Variants in GPC6 observed in about 807,000 individuals in gnomAD.
The protein encoded by GPC6 is glypican-6.
A neutral mutation model predicts 55.2 loss-of-function variants in GPC6; 14 were observed. That is an observed-to-expected ratio of 0.25 (90% CI 0.17 to 0.40). GPC6 has a LOEUF of 0.40. GPC6 is among the 10% of genes least tolerant of loss of function. The probability of loss-of-function intolerance (pLI) is 1.00; values close to 1 mark genes in which losing one functional copy is unlikely to be tolerated. For missense variants in GPC6, 641 were observed against 708.5 expected (o/e 0.90, Z 1.08); for synonymous variants, 278 against 259.6 (o/e 1.07, Z -0.68).
intron 1 of GPC6, among the ~76,000 whole-genome samples, chr13:93,246,688 C>T (rs547558386): frequency 1.4e-5 from 2 of 145,256 alleles, no homozygotes; most frequent in South Asian, 4.4e-4. Context: ...TTCCCAGCTA[C>T]TAGGGAGGTT....
At chr13:93,256,303 A>G (rs1876951347) in intron 1 of GPC6, among the ~76,000 whole-genome samples, 1 of 152,128 alleles carries the variant, frequency 6.6e-6, no homozygotes, top group Non-Finnish European at 1.5e-5. Context: ...CAGTATGATT[A>G]AAAGTTGCTT....
chr13:93,940,711 T>A (rs1224804596), intron 3 of GPC6, among the ~76,000 whole-genome samples: 1 of 152,156 alleles, frequency 6.6e-6, no homozygotes, highest in Non-Finnish European at 1.5e-5. Context: ...GGATAATTAA[T>A]GAGAATATTG....
intron 1 of GPC6, among the ~76,000 whole-genome samples, chr13:93,371,185 C>T (rs1288202504): frequency 6.6e-6 from 1 of 151,860 alleles, no homozygotes; most frequent in African/African-American, 2.4e-5. Flanking sequence ...AGGTTTATGG[C>T]TAGAGAGTTA....
rs535657757 is a variant in GPC6, at chr13:93,396,284, G to T, written c.161-148979G>T. ...TATTAACCTTTTAATAATAAAACTA[G>T]CTGGGCATGGTAGCTCACGCCTGTA... is the stretch of plus-strand genomic sequence containing the variant. On this transcript the variant is annotated intron_variant, in intron 1 of 8. Coordinates refer to ENST00000377047, the MANE Select transcript of GPC6 (RefSeq NM_005708.5). 2.4e-4 allele frequency among the ~76,000 whole-genome samples: 36 copies of T among 152,296 alleles called. 1 individual carries two copies. The highest frequency in any genetic ancestry group is 6.7e-4 in the African/African-American group (28 of 41,558).
chr13:93,231,369 A>ATG (rs1876024004), intron 1 of GPC6, among the ~76,000 whole-genome samples: 2 of 17,880 alleles, frequency 1.1e-4, no homozygotes, highest in South Asian at 1.7e-3. Flanking sequence ...ACGTATATAT[A>ATG]TATATATATA....
intron 1 of GPC6, among the ~76,000 whole-genome samples, chr13:93,364,103 G>A (rs1881152492): frequency 1.3e-5 from 2 of 152,240 alleles, no homozygotes; most frequent in South Asian, 4.2e-4. Flanking sequence ...CACTCTGATG[G>A]TAGTTTCTTT....
rs1462015904 is a variant in GPC6, at chr13:93,764,617, ACACT to A, written c.320-65533_320-65530del. On this transcript the variant is annotated intron_variant, in intron 2 of 8. Transcript: ENST00000377047. Reference sequence around the variant, plus strand: ...ACACACACACACACACACACCACACACACTCACAAAGGCCACCTATAACCATATT... The same window carrying A: ...ACACACACACACACACACACCACACACACAAAGGCCACCTATAACCATATT... 5.1e-4 allele frequency among the ~76,000 whole-genome samples: 77 copies of A among 151,694 alleles called. 1 individual carries two copies. The highest frequency in any genetic ancestry group is 1.8e-3 in the African/African-American group (74 of 41,328).
At chr13:93,783,213 T>A (rs142208701) in intron 2 of GPC6, among the ~76,000 whole-genome samples, 1 of 152,214 alleles carries the variant, frequency 6.6e-6, no homozygotes, top group East Asian at 1.9e-4. Flanking sequence ...TTTTATCCAA[T>A]CTATCATTGA....
intron 4 of GPC6, among the ~76,000 whole-genome samples, chr13:94,031,710 C>T (rs1274794538): frequency 2.0e-5 from 3 of 152,158 alleles, no homozygotes; most frequent in African/African-American, 7.2e-5. Context: ...ATTAAAATCT[C>T]CTAGAGGGAG....
At chr13:93,267,384 C>T (rs2139048269) in intron 1 of GPC6, among the ~76,000 whole-genome samples, 1 of 143,642 alleles carries the variant, frequency 7.0e-6, no homozygotes, top group East Asian at 2.2e-4. Flanking sequence ...TCGTTTTCCA[C>T]AGGAGAGGGT....
intron 6 of GPC6, among the ~76,000 whole-genome samples, chr13:94,350,832 C>G (rs1167926768): frequency 6.6e-6 from 1 of 152,008 alleles, no homozygotes; most frequent in Non-Finnish European, 1.5e-5. Context: ...TTCTGAGAAG[C>G]TAGAGAGCAC....
intron 1 of GPC6, among the ~76,000 whole-genome samples, chr13:93,262,901 GATTT>G (rs1485856558): frequency 6.6e-6 from 1 of 152,132 alleles, no homozygotes; most frequent in Non-Finnish European, 1.5e-5. Context: ...AGAGTAGAGA[GATTT>G]ATTGCCAAGG....
intron 3 of GPC6, among the ~76,000 whole-genome samples, chr13:93,941,569 A>G (rs921915726): frequency 1.3e-5 from 2 of 152,210 alleles, no homozygotes; most frequent in African/African-American, 4.8e-5. Flanking sequence ...TATATTTTCA[A>G]AAGCTTGTAT....
intron 2 of GPC6, among the ~76,000 whole-genome samples, chr13:93,662,300 G>C (rs1277872215): frequency 2.6e-5 from 4 of 152,154 alleles, no homozygotes; most frequent in African/African-American, 9.7e-5. Flanking sequence ...TGGAAGGTAG[G>C]GAGCGGGGAG....
At chr13:94,113,372 G>T (rs985872206) in intron 4 of GPC6, among the ~76,000 whole-genome samples, 2 of 152,000 alleles carry the variant, frequency 1.3e-5, no homozygotes, top group Non-Finnish European at 2.9e-5. Context: ...TCAGTTCCTA[G>T]CTCATTATTA....
At chr13:93,989,232 C>A (rs182751244) in intron 3 of GPC6, among the ~76,000 whole-genome samples, 108 of 152,208 alleles carry the variant, frequency 7.1e-4, no homozygotes, top group Middle Eastern at 3.4e-3. Flanking sequence ...CTTTTCACAC[C>A]TCATAGGTTG....
intron 3 of GPC6, among the ~76,000 whole-genome samples, chr13:93,922,580 A>T (rs1877630916): frequency 1.3e-5 from 2 of 152,194 alleles, no homozygotes; most frequent in South Asian, 2.1e-4. Context: ...TACCAGTAAC[A>T]TCCTTATTCC....
At chr13:94,202,034 G>A (rs907812923) in intron 4 of GPC6, among the ~76,000 whole-genome samples, 2 of 152,082 alleles carry the variant, frequency 1.3e-5, no homozygotes, top group African/African-American at 4.8e-5. Context: ...TTCTGAAATG[G>A]TAATAGTTTT....
chr13:94,260,952 A>C lies in GPC6; in HGVS notation c.878-25397A>C, dbSNP rs752383514. On this transcript the variant is annotated intron_variant, in intron 4 of 8. Coordinates refer to ENST00000377047, the MANE Select transcript of GPC6 (RefSeq NM_005708.5). ...GTATGGGAAAAAAGTTTGGAAAGCA[A>C]CACCTTAGTGTTAGATTGATTATGA... is the stretch of plus-strand genomic sequence containing the variant. 8.4e-4 allele frequency among the ~76,000 whole-genome samples: 128 copies of C among 151,994 alleles called. 2 individuals carry two copies. Among genetic ancestry groups the C allele is most frequent in the Admixed American group, 3.9e-3 (59 of 15,244 alleles).
Sources: allele counts gnomAD v4.1 joint callset (sites outside exome capture counted in the v4.1 genomes callset), GRCh38; gene constraint gnomAD v4.1.1; transcripts MANE v1.5; gene names NCBI Gene and HGNC (gene_info 2026-07-23, HGNC 2026-07-21).